NBPF11: variants seen among roughly 807,000 people sequenced by gnomAD.
The protein encoded by NBPF11 is NBPF member 11, also known as NBPF family member NBPF11.
Under a neutral mutation model 93.9 loss-of-function variants are expected in NBPF11, and 72 were observed. That is an observed-to-expected ratio of 0.77 (90% confidence interval 0.63 to 0.93). The LOEUF is 0.93. NBPF11 is among the 40% of genes least tolerant of loss of function. The pLI, the probability that NBPF11 is intolerant of heterozygous loss-of-function variation, is 0.00. For synonymous variants in NBPF11, 224 were observed against 304.9 expected (o/e 0.73, Z 2.76); for missense variants, 705 against 802.2 (o/e 0.88, Z 1.46).
In NBPF11 at chr1:148,137,784, T is replaced by C. The variant is rs1671564343; in HGVS notation, c.-251A>G. The C allele has an allele frequency of 1.4e-5, 2 of 145,488 alleles. No individual in the cohort carries two copies. The highest frequency in any genetic ancestry group is 5.2e-5 in the African/African-American group (2 of 38,786). The allele number at this position is 145,488 out of a possible 1,614,324, so 9.0% of individuals were successfully genotyped here. ...GGGTATTTCAGGCACTTGAGGAGTG[T>C]GGCTTTACTGTTATCAATCACATTT... is the stretch of plus-strand genomic sequence containing the variant. On this transcript the variant is annotated 5_prime_UTR_variant, in exon 3 of 24. Coordinates refer to ENST00000682118, the MANE Select transcript of NBPF11 (RefSeq NM_001385469.3).
At chr1:148,108,845 AC>A (rs1664495901) in intron 17 of NBPF11, among the ~76,000 whole-genome samples, 191 bp from the exon 18 acceptor site, 3 of 72,734 alleles carry the variant, frequency 4.1e-5, no homozygotes, top group Non-Finnish European at 7.3e-5. Context: ...AGAGAAAGAC[AC>A]ACACACACAC....
At chr1:148,124,246 C>T (rs1264577993) in intron 6 of NBPF11, among the ~76,000 whole-genome samples, 179 bp from the exon 7 acceptor site, 2 of 150,172 alleles carry the variant, frequency 1.3e-5, no homozygotes, top group African/African-American at 2.5e-5. Flanking sequence ...ACAGGCTTTC[C>T]CTCTATCAGA....
rs1663098115 is a variant in NBPF11 at position 148,104,664 on chromosome 1, TG to T, written c.2473-20del. On this transcript the variant is annotated intron_variant, in intron 22 of 23. Coordinates refer to ENST00000682118, the MANE Select transcript of NBPF11 (RefSeq NM_001385469.3). ...TCAATTTCTGCAATAAATTCAGACA[TG>T]GACAGACACATTAAGCTGATTCCCC... The T allele has an allele frequency of 1.9e-6, 1 of 526,140 alleles. No homozygotes were observed. Among genetic ancestry groups the T allele is most frequent in the African/African-American group, 2.8e-5 (1 of 35,380 alleles). 32.6% of individuals were successfully genotyped at this position (526,140 alleles called of 1,614,324 possible). A position where few individuals can be genotyped will look rare whatever the true frequency, so the allele number is the denominator to read the frequency against.
chr1:148,146,537 C>T, intron 1 of NBPF11: 1 of 1,603,566 alleles, frequency 6.2e-7, no homozygotes, highest in Non-Finnish European at 8.5e-7. Context: ...CCTGGTGGGG[C>T]CGGGGCCGCC....
At chr1:148,117,303 C>T (rs1385356775) in intron 12 of NBPF11, among the ~76,000 whole-genome samples, 14 of 148,374 alleles carry the variant, frequency 9.4e-5, no homozygotes, top group African/African-American at 3.3e-4. Context: ...ATCGCAGCCT[C>T]CTTCCTGTCC....
chr1:148,147,976 G>T (rs1197659382), intron 1 of NBPF11, among the ~76,000 whole-genome samples: 3 of 152,060 alleles, frequency 2.0e-5, no homozygotes, highest in Admixed American at 1.3e-4. Flanking sequence ...AGGCCAGAGC[G>T]TGCCCAGGGC....
intron 1 of NBPF11, among the ~76,000 whole-genome samples, chr1:148,148,291 A>G (rs1366483717): frequency 3.3e-5 from 5 of 152,340 alleles, no homozygotes; most frequent in Non-Finnish European, 5.9e-5. Flanking sequence ...ACACCTGCCC[A>G]TGCTCCTGCC....
chr1:148,130,975 T>A (rs1670227056), intron 4 of NBPF11, among the ~76,000 whole-genome samples: 1 of 151,842 alleles, frequency 6.6e-6, no homozygotes, highest in Non-Finnish European at 1.5e-5. Flanking sequence ...TAGTATTCCT[T>A]CATGTGGCTA....
At chr1:148,122,289 G>C in intron 8 of NBPF11, 23 bp from the exon 9 acceptor site, 1 of 1,609,704 alleles carries the variant, frequency 6.2e-7, no homozygotes, top group South Asian at 1.1e-5. Context: ...GTGGGACAGA[G>C]ATGACAGAAG....
chr1:148,106,874 G>C (rs1663776723), intron 20 of NBPF11, 68 bp downstream of exon 20: 1 of 791,768 alleles, frequency 1.3e-6, no homozygotes, highest in Non-Finnish European at 2.2e-6. Flanking sequence ...GGGCCACTTG[G>C]AACAGGAATA....
chr1:148,105,547 G>A lies in NBPF11; in HGVS notation c.2304-19C>T, dbSNP rs1431575810. The A allele has an allele frequency of 6.6e-4, 484 of 732,510 alleles. 56 individuals are homozygous for A. In the African/African-American group the frequency reaches 9.6e-3, roughly 15 times the overall value. 45.4% of individuals were successfully genotyped at this position (732,510 alleles called of 1,614,324 possible). ...GCTGAGCCTGGAAAAGGAGGAAAAA[G>A]TAAAGAATAAGCCAGGGGAAATCAC... On this transcript the variant is annotated intron_variant, in intron 21 of 23. Coordinates refer to ENST00000682118, the MANE Select transcript of NBPF11 (RefSeq NM_001385469.3).
At chr1:148,127,273 C>A (rs1271726436) in intron 4 of NBPF11, 1 of 159,912 alleles carries the variant, frequency 6.3e-6, no homozygotes, top group Non-Finnish European at 1.0e-5. Context: ...TTGTGGCCAG[C>A]GTGCCAGGTA....
In NBPF11 at chr1:148,106,206, C is replaced by G; in HGVS notation, c.2278G>C (p.Glu760Gln). The change falls in exon 21 of 24, where the codon GAA becomes CAA. Residue 760 changes from glutamate to glutamine, a missense_variant. By Grantham distance (29) the Glu-to-Gln change is conservative. Coordinates refer to ENST00000682118, the MANE Select transcript of NBPF11 (RefSeq NM_001385469.3). ...CTGGGGCACGGTGGGCCTTGGTCTT[C>G]TTCCTCTTCTTGGTCCTTTTTAATT... ...DRIKKDQEEEEDQGPPCPRLS... is the reference protein window; with the variant it reads ...DRIKKDQEEEQDQGPPCPRLS... 1 of 912,096 alleles carries G rather than the reference C, an allele frequency of 1.1e-6. No homozygotes were observed. Among genetic ancestry groups the G allele is most frequent in the East Asian group, 2.4e-5 (1 of 41,722 alleles). The allele number at this position is 912,096 out of a possible 1,614,324, so 56.5% of individuals were successfully genotyped here.
At chr1:148,129,122 TATGTATTATTTATATATACA>T (rs1669773907) in intron 4 of NBPF11, among the ~76,000 whole-genome samples, 1 of 145,454 alleles carries the variant, frequency 6.9e-6, no homozygotes, top group Non-Finnish European at 1.5e-5. Flanking sequence ...TACACGTGTA[TATGTATTATTTATATATACA>T]CATGTATATA....
At chr1:148,113,261 AG>A (rs1167661603) in intron 15 of NBPF11, among the ~76,000 whole-genome samples, 1 of 151,956 alleles carries the variant, frequency 6.6e-6, no homozygotes, top group Non-Finnish European at 1.5e-5. Flanking sequence ...CTCAAAATAA[AG>A]GGATGGAGGA....
intron 1 of NBPF11, among the ~76,000 whole-genome samples, chr1:148,145,201 C>CTTTTTTT (rs1190949525): frequency 4.0e-5 from 3 of 75,624 alleles, no homozygotes; most frequent in African/African-American, 1.2e-4. Context: ...TTTTTTCTTT[C>CTTTTTTT]TTTTTTTTTT....
intron 2 of NBPF11, among the ~76,000 whole-genome samples, chr1:148,139,159 G>A (rs1414142717): frequency 3.3e-5 from 5 of 151,582 alleles, no homozygotes; most frequent in African/African-American, 4.9e-5. Flanking sequence ...ATGTGAAAAT[G>A]TATCATCTCA....
intron 15 of NBPF11, among the ~76,000 whole-genome samples, chr1:148,112,226 C>T (rs1213985175): frequency 2.0e-5 from 3 of 147,268 alleles, no homozygotes; most frequent in African/African-American, 7.8e-5. Context: ...CATATGTATA[C>T]ATGTCCACAT....
chr1:148,109,179 G>T (rs1209283037), intron 17 of NBPF11, 105 bp downstream of exon 17: 8 of 912,080 alleles, frequency 8.8e-6, no homozygotes, highest in South Asian at 1.3e-5. Context: ...ATTCAGACTT[G>T]TCTGACAAGA....
Sources: gnomAD v4.1 joint callset for allele counts (sites outside exome capture counted in the v4.1 genomes callset) on GRCh38, gnomAD v4.1.1 for gene constraint, MANE v1.5 for transcripts, NCBI Gene and HGNC (gene_info 2026-07-23, HGNC 2026-07-21) for gene names.